IQANK1: variants seen among roughly 807,000 people sequenced by gnomAD.
IQANK1 encodes IQ motif and ankyrin repeat domain-containing protein 1.
IQANK1 carries 30 observed loss-of-function variants against 22.6 expected under a neutral mutation model. The ratio of observed to expected loss-of-function variants is 1.33; its 90% CI spans 0.99 to 1.80. IQANK1 has a LOEUF of 1.80. Ranked by LOEUF, IQANK1 falls within the 40% of genes most tolerant of loss-of-function variation. IQANK1 has a pLI of 0.00. For synonymous variants in IQANK1, 122 were observed against 99.6 expected, an observed-to-expected ratio of 1.23 and a Z score of -1.34; for missense variants, 275 against 235.2, an observed-to-expected ratio of 1.17 and a Z score of -1.11.
intron 7 of IQANK1, 32 bp downstream of exon 7, chr8:143,772,514 G>T (rs1819600554): frequency 7.5e-6 from 3 of 398,524 alleles, no homozygotes; most frequent in Non-Finnish European, 1.3e-5. Context: ...GCCCCGGGAG[G>T]TGTGAGCCCC....
At chr8:143,736,556 G>A (rs951589891) in intron 2 of IQANK1, among the ~76,000 whole-genome samples, 1 of 152,076 alleles carries the variant, frequency 6.6e-6, no homozygotes, top group East Asian at 1.9e-4. Flanking sequence ...AGTGGGAGGC[G>A]CCTAGATGGC....
Position 143,772,098 on chromosome 8 carries a change from G to A in IQANK1, c.518G>A (p.Gly173Asp), listed in dbSNP as rs1587487370. The A allele has an allele frequency of 2.5e-6, 1 of 395,894 alleles. No individual in the cohort carries two copies. Among genetic ancestry groups the A allele is most frequent in the East Asian group, 3.6e-5 (1 of 27,898 alleles). The allele number at this position is 395,894 out of a possible 1,614,324, so 24.5% of individuals were successfully genotyped here. ...GAGGGCGTGGGCCACGACGAGGCAG[G>A]CGAGGCGCGGCGGCTGCAGCGACGC... is the stretch of plus-strand genomic sequence containing the variant. ...TREGVGHDEA[G>D]EARRLQRRVA... Residue 173 changes from glycine to aspartate, a missense_variant, in exon 6 of 14, where the codon GGC becomes GAC. Gly to Asp is a moderately conservative substitution (Grantham distance 94). Coordinates refer to ENST00000527139, the MANE Select transcript of IQANK1 (RefSeq NM_001381874.1).
chr8:143,783,982 A>C (rs1373010850), intron 7 of IQANK1, among the ~76,000 whole-genome samples: 8 of 152,132 alleles, frequency 5.3e-5, no homozygotes, highest in African/African-American at 1.9e-4. Context: ...CAGCTTTATA[A>C]CAAGTCTTGT....
chr8:143,757,271 A>G (rs1386826279), intron 3 of IQANK1, among the ~76,000 whole-genome samples: 6 of 152,192 alleles, frequency 3.9e-5, no homozygotes, highest in African/African-American at 1.4e-4. Context: ...GCCTTTGAAA[A>G]AGCACATAGG....
chr8:143,750,226 G>A (rs1287336736), intron 3 of IQANK1, among the ~76,000 whole-genome samples: 8 of 152,046 alleles, frequency 5.3e-5, no homozygotes, highest in East Asian at 1.9e-4. Context: ...TCGAACCCCC[G>A]ACCTCAGGTG....
At chr8:143,751,672 A>G (rs1309835412) in intron 3 of IQANK1, among the ~76,000 whole-genome samples, 9 of 137,758 alleles carry the variant, frequency 6.5e-5, no homozygotes, top group African/African-American at 2.2e-4. Flanking sequence ...GTGTATATAT[A>G]TATATAAAAT....
intron 3 of IQANK1, among the ~76,000 whole-genome samples, chr8:143,770,768 C>G (rs1360476156): frequency 6.6e-6 from 1 of 152,264 alleles, no homozygotes; most frequent in Non-Finnish European, 1.5e-5. Context: ...TTCACTGTGG[C>G]GGAAGCGCCA....
rs1312360577 is a variant in IQANK1, at chr8:143,735,092, C to T, written c.-4-758C>T. On this transcript the variant is annotated intron_variant, in intron 1 of 13. Coordinates refer to ENST00000527139, the MANE Select transcript of IQANK1 (RefSeq NM_001381874.1). This position sits in a 1 kb window ranked among gnomAD's most constrained non-coding sequence, Gnocchi z 5.2. ...TGATCCTATTTTCTGTTTTCAGGGT[C>T]AGTCCCAGTTTCATTTGTTCTTTCC... Among the ~76,000 whole-genome samples the T allele has an allele frequency of 6.6e-6, 1 of 152,242 alleles. No homozygotes were observed. The highest frequency in any genetic ancestry group is 1.5e-5 in the Non-Finnish European group (1 of 68,048).
rs576802794 is a variant in IQANK1, at chr8:143,743,112, C to A, written c.175+3164C>A. 100 of 442,034 alleles carry A rather than the reference C, an allele frequency of 2.3e-4. 3 individuals carry two copies. Among genetic ancestry groups the A allele is most frequent in the South Asian group, 1.5e-3 (98 of 63,942 alleles). 27.4% of individuals were successfully genotyped at this position (442,034 alleles called of 1,614,324 possible). On this transcript the variant is annotated intron_variant, in intron 3 of 13. Transcript: ENST00000527139. Reference sequence around the variant, plus strand: ...CCAGCTCTGCAGGGTAGCCACCGGGCACGGCCTTGCCAGGCTGACGTCGAG... The same window carrying A: ...CCAGCTCTGCAGGGTAGCCACCGGGAACGGCCTTGCCAGGCTGACGTCGAG...
chr8:143,740,340 G>C lies in IQANK1; in HGVS notation c.175+392G>C, dbSNP rs573509160. On this transcript the variant is annotated intron_variant, in intron 3 of 13. Coordinates refer to ENST00000527139, the MANE Select transcript of IQANK1 (RefSeq NM_001381874.1). ...GGTGGCAGGAAACGGGGCCCTGCGC[G>C]TCGCCTTGGGCCCGGATCGCCTTCT... Among the ~76,000 whole-genome samples, 379 of 152,238 alleles carry C rather than the reference G, an allele frequency of 2.5e-3. 2 individuals are homozygous for C. The highest frequency in any genetic ancestry group is 6.8e-3 in the African/African-American group (284 of 41,552).
chr8:143,756,864 G>T (rs1819302399), intron 3 of IQANK1, among the ~76,000 whole-genome samples: 1 of 151,512 alleles, frequency 6.6e-6, no homozygotes, highest in African/African-American at 2.4e-5. Flanking sequence ...TTTAGTCCTA[G>T]CCACTTGGGA....
Position 143,748,888 on chromosome 8 carries a change from TAA to T in IQANK1, c.175+8942_175+8943del, listed in dbSNP as rs797029626. Among the ~76,000 whole-genome samples, 89 of 111,146 alleles carry T rather than the reference TAA, an allele frequency of 8.0e-4. 1 individual carries two copies. Among genetic ancestry groups the T allele is most frequent in the Middle Eastern group, 0.013 (1 of 80 alleles). The allele number at this position is 111,146 out of a possible 152,430, so 72.9% of individuals were successfully genotyped here. On this transcript the variant is annotated intron_variant, in intron 3 of 13. Coordinates refer to ENST00000527139, the MANE Select transcript of IQANK1 (RefSeq NM_001381874.1). ...TATAAATATATAAATATATATATCATAAATACTTAAAAATATACATATATATC... is the reference window on the plus strand; with the variant it reads ...TATAAATATATAAATATATATATCATATACTTAAAAATATACATATATATC...
chr8:143,784,163 CTA>C (rs1193420407), intron 7 of IQANK1, among the ~76,000 whole-genome samples: 3 of 151,980 alleles, frequency 2.0e-5, no homozygotes, highest in Admixed American at 2.0e-4. Context: ...TAGGATGTTG[CTA>C]TGTTTTGGAT....
chr8:143,751,283 G>A (rs1029827412), intron 3 of IQANK1, among the ~76,000 whole-genome samples: 1 of 151,918 alleles, frequency 6.6e-6, no homozygotes, highest in Non-Finnish European at 1.5e-5. Flanking sequence ...CAAAATTATA[G>A]TAATAGTAGC....
rs985319471 is a variant in IQANK1, at chr8:143,789,244, G to T, written c.993+1G>T. On this transcript the variant is annotated splice_donor_variant, in intron 9 of 13. Coordinates refer to ENST00000527139, the MANE Select transcript of IQANK1 (RefSeq NM_001381874.1). LOFTEE classifies it high-confidence loss of function. ...GGAGCAGCAGCAGTGTCACAAGGAG[G>T]TGAGTGTGACCTCAGGGAGGAGCCA... The T allele has an allele frequency of 1.3e-5, 5 of 399,880 alleles. No individual in the cohort carries two copies. The highest frequency in any genetic ancestry group is 1.0e-4 in the African/African-American group (5 of 48,634). 24.8% of individuals were successfully genotyped at this position (399,880 alleles called of 1,614,324 possible). A position where few individuals can be genotyped will look rare whatever the true frequency, so the allele number is the denominator to read the frequency against.
At chr8:143,783,799 C>T (rs1819838831) in intron 7 of IQANK1, among the ~76,000 whole-genome samples, 2 of 152,182 alleles carry the variant, frequency 1.3e-5, no homozygotes, top group South Asian at 4.1e-4. Flanking sequence ...TATGGATGCA[C>T]AGTTGTCCTG....
At chr8:143,744,849 A>G (rs1818996300) in intron 3 of IQANK1, 1 of 152,258 alleles carries the variant, frequency 6.6e-6, no homozygotes, top group Non-Finnish European at 1.5e-5. Context: ...ATCCCAATAA[A>G]CAGGGCAGAC....
At chr8:143,783,963 T>G (rs1460438066) in intron 7 of IQANK1, among the ~76,000 whole-genome samples, 2 of 152,238 alleles carry the variant, frequency 1.3e-5, no homozygotes, top group African/African-American at 4.8e-5. Context: ...ACCCATGTCT[T>G]GACTACAGCA....
chr8:143,788,365 C>T (rs11136324), intron 7 of IQANK1, among the ~76,000 whole-genome samples: 54,115 of 152,166 alleles, frequency 0.36, 10,585 homozygotes, highest in East Asian at 0.6. Flanking sequence ...GGGACTCACC[C>T]GGCGCAGCTG....
Sources: gnomAD v4.1 joint callset for allele counts (sites outside exome capture counted in the v4.1 genomes callset) on GRCh38, gnomAD v4.1.1 for gene constraint, Gnocchi (gnomAD v3.1) non-coding constraint, MANE v1.5 for transcripts, NCBI Gene and HGNC (gene_info 2026-07-23, HGNC 2026-07-21) for gene names.